Variants in SLC6A6 observed in about 807,000 individuals in gnomAD.
The protein encoded by SLC6A6 is sodium- and chloride-dependent taurine transporter.
In SLC6A6, 16 loss-of-function variants were observed where a neutral mutation model predicts 68.8. That is an observed-to-expected ratio of 0.23 (90% CI 0.16 to 0.35). The LOEUF (loss-of-function observed/expected upper bound fraction) is 0.35. Ranked by LOEUF, SLC6A6 falls within the 10% of genes least tolerant of loss-of-function variation. The pLI, the probability that SLC6A6 is intolerant of heterozygous loss-of-function variation, is 1.00. For missense variants in SLC6A6, 474 were observed against 802.8 expected (o/e 0.59, Z 4.95); for synonymous variants, 312 against 315.4 (o/e 0.99, Z 0.12).
chr3:14,429,457 C>T (rs1699673694), intron 2 of SLC6A6, among the ~76,000 whole-genome samples: 1 of 152,226 alleles, frequency 6.6e-6, no homozygotes, highest in African/African-American at 2.4e-5. Flanking sequence ...CAGCCTGGCC[C>T]AGCCCCTAGA....
Position 14,472,419 on chromosome 3 carries a change from C to G in SLC6A6, c.1209+102C>G, listed in dbSNP as rs924523171. ...GGGAGGTGGTCAACCCCCTTCCCCC[C>G]TCCAGTCAGACTTCCAGTGCTTCAG... On this transcript the variant is annotated intron_variant, in intron 10 of 14. Transcript: ENST00000622186. This position sits in a 1 kb window ranked among gnomAD's most constrained non-coding sequence, Gnocchi z 4.5. The G allele has an allele frequency of 1.7e-5, 12 of 726,862 alleles. No homozygotes were observed. The African/African-American group carries it at 1.9e-4, about 12-fold the overall frequency. The allele number at this position is 726,862 out of a possible 1,614,324, so 45.0% of individuals were successfully genotyped here.
intron 6 of SLC6A6, among the ~76,000 whole-genome samples, chr3:14,463,949 T>C (rs569177326): frequency 6.6e-6 from 1 of 152,288 alleles, no homozygotes; most frequent in African/African-American, 2.4e-5. Context: ...CGTTCCCTTA[T>C]CCTCAGTGGA....
intron 14 of SLC6A6, among the ~76,000 whole-genome samples, chr3:14,482,817 T>C (rs1306112651): frequency 6.6e-6 from 1 of 152,102 alleles, no homozygotes; most frequent in African/African-American, 2.4e-5. Flanking sequence ...CCCCAACCAG[T>C]CTTTAGCCAG....
At chr3:14,438,890 A>G (rs1699919535) in intron 2 of SLC6A6, among the ~76,000 whole-genome samples, 1 of 152,202 alleles carries the variant, frequency 6.6e-6, no homozygotes. Flanking sequence ...GGTCTGCAGG[A>G]CGGCAGGGCA....
rs1701190547 is a variant in SLC6A6, at chr3:14,487,162, G to A, written c.*2155G>A. On this transcript the variant is annotated 3_prime_UTR_variant, in exon 15 of 15. Coordinates refer to ENST00000622186, the MANE Select transcript of SLC6A6 (RefSeq NM_003043.6). ...TCCATCTCCCCAGCGGGGGCTCCCTGGGTGAAAGGCCACAGTATTTTGGGT... is the reference window on the plus strand; with the variant it reads ...TCCATCTCCCCAGCGGGGGCTCCCTAGGTGAAAGGCCACAGTATTTTGGGT... 1 of 152,662 alleles carries A rather than the reference G, an allele frequency of 6.6e-6. No individual in the cohort carries two copies. The highest frequency in any genetic ancestry group is 2.1e-4 in the South Asian group (1 of 4,830). The allele number at this position is 152,662 out of a possible 1,614,324, so 9.5% of individuals were successfully genotyped here.
Position 14,477,962 on chromosome 3 carries a change from G to A in SLC6A6, c.1348-504G>A, listed in dbSNP as rs559435874. On this transcript the variant is annotated intron_variant, in intron 11 of 14. Coordinates refer to ENST00000622186, the MANE Select transcript of SLC6A6 (RefSeq NM_003043.6). This position sits in a 1 kb window ranked among gnomAD's most constrained non-coding sequence, Gnocchi z 4.2. ...AGATTGTACTAAGAATGGAAGCCTA[G>A]CATCAAAGCCAGGGCACGCTCTCTC... Among the ~76,000 whole-genome samples, 2 of 152,064 alleles carry A rather than the reference G, an allele frequency of 1.3e-5. No homozygotes were observed. Among genetic ancestry groups the A allele is most frequent in the Admixed American group, 6.6e-5 (1 of 15,266 alleles).
chr3:14,410,691 A>T (rs906023507), intron 1 of SLC6A6, among the ~76,000 whole-genome samples: 7 of 152,188 alleles, frequency 4.6e-5, no homozygotes, highest in African/African-American at 1.7e-4. Context: ...GAGGCTCAGG[A>T]CCACTTCTCT....
intron 2 of SLC6A6, among the ~76,000 whole-genome samples, chr3:14,443,265 G>A (rs556443453): frequency 4.6e-5 from 7 of 152,302 alleles, no homozygotes; most frequent in East Asian, 3.9e-4. Flanking sequence ...AACTGCCTGG[G>A]TGTGTTGTGT....
chr3:14,444,754 G>A (rs1700072505), intron 3 of SLC6A6: 4 of 456,526 alleles, frequency 8.8e-6, no homozygotes, highest in Non-Finnish European at 1.8e-5. Context: ...GGCCCCTTTG[G>A]GACTGTGATG....
chr3:14,425,719 G>C (rs987158199), intron 2 of SLC6A6, among the ~76,000 whole-genome samples: 8 of 151,984 alleles, frequency 5.3e-5, no homozygotes, highest in African/African-American at 1.5e-4. Context: ...CTCGGGGCAG[G>C]GAGGGTGGAA....
chr3:14,449,011 G>C (rs1700195114), intron 5 of SLC6A6, among the ~76,000 whole-genome samples: 1 of 152,250 alleles, frequency 6.6e-6, no homozygotes, highest in Non-Finnish European at 1.5e-5. Flanking sequence ...ATCATCACGA[G>C]ATGACAGTCC....
intron 10 of SLC6A6, among the ~76,000 whole-genome samples, chr3:14,474,311 G>A (rs953495594): frequency 4.6e-5 from 7 of 152,194 alleles, no homozygotes; most frequent in Non-Finnish European, 5.9e-5. Flanking sequence ...GCCCTCTGCC[G>A]TAAGAGGTGT....
In SLC6A6 at chr3:14,474,921, G is replaced by A. The variant is rs116045565; in HGVS notation, c.1210-2284G>A. ...TTCCTACCATTGGCGGGAACAGTCC[G>A]TCTGGCCTAAGAGCCATCATACTGC... On this transcript the variant is annotated intron_variant, in intron 10 of 14. Transcript: ENST00000622186. Among the ~76,000 whole-genome samples, 1,519 of 152,384 alleles carry A rather than the reference G, an allele frequency of 1.0e-2. 32 individuals carry two copies. Among genetic ancestry groups the A allele is most frequent in the African/African-American group, 0.034 (1,399 of 41,594 alleles).
chr3:14,419,331 G>C (rs181602807), intron 2 of SLC6A6, among the ~76,000 whole-genome samples: 77 of 152,340 alleles, frequency 5.1e-4, no homozygotes, highest in Non-Finnish European at 9.3e-4. Context: ...AGCACTGCTA[G>C]GTGTGCGCCC....
At chr3:14,429,141 C>T (rs1485307663) in intron 2 of SLC6A6, among the ~76,000 whole-genome samples, 1 of 152,198 alleles carries the variant, frequency 6.6e-6, no homozygotes, top group African/African-American at 2.4e-5. Context: ...CTAGGTCACC[C>T]CTGCCAGCCT....
chr3:14,444,991 C>T (rs1439230393), intron 3 of SLC6A6: 1 of 395,788 alleles, frequency 2.5e-6, no homozygotes, highest in African/African-American at 2.1e-5. Flanking sequence ...CTGCCTCCTG[C>T]CCTGGGCAGG....
At chr3:14,419,814 AC>A in intron 2 of SLC6A6, among the ~76,000 whole-genome samples, 1 of 149,034 alleles carries the variant, frequency 6.7e-6, no homozygotes. Flanking sequence ...GCAACTCCCC[AC>A]CCCCTCAGCT....
chr3:14,460,632 G>T (rs1346472477), intron 6 of SLC6A6, among the ~76,000 whole-genome samples: 2 of 152,234 alleles, frequency 1.3e-5, no homozygotes, highest in Non-Finnish European at 2.9e-5. Flanking sequence ...GAATACAGGA[G>T]AATAGTGTCA....
intron 5 of SLC6A6, among the ~76,000 whole-genome samples, chr3:14,449,176 G>A (rs540803138): frequency 4.5e-4 from 69 of 152,354 alleles, no homozygotes; most frequent in Admixed American, 5.9e-4. Flanking sequence ...AGAAGGGGTC[G>A]GTTGCCCTCA....
Sources: gnomAD v4.1 joint callset for allele counts (sites outside exome capture counted in the v4.1 genomes callset) on GRCh38, gnomAD v4.1.1 for gene constraint, Gnocchi (gnomAD v3.1) non-coding constraint, MANE v1.5 for transcripts, NCBI Gene and HGNC (gene_info 2026-07-23, HGNC 2026-07-21) for gene names.